Variants in NDRG4 observed in about 807,000 individuals in gnomAD.
NDRG4 encodes the protein protein NDRG4.
Under a neutral mutation model 55.8 loss-of-function variants are expected in NDRG4, and 38 were observed. The ratio of observed to expected loss-of-function variants is 0.68; its 90% confidence interval spans 0.53 to 0.89. NDRG4 has a LOEUF of 0.89. Among genes scored for constraint, NDRG4 ranks in the 40% least tolerant of loss-of-function variants. The pLI, the probability that NDRG4 is intolerant of heterozygous loss-of-function variation, is 0.00. For missense variants in NDRG4, 455 were observed against 468.6 expected, an observed-to-expected ratio of 0.97 and a Z score of 0.27; for synonymous variants, 190 against 182.7, an observed-to-expected ratio of 1.04 and a Z score of -0.32.
At chr16:58,498,828 G>T (rs1447405106), upstream of NDRG4, among the ~76,000 whole-genome samples, 7 of 152,182 alleles carry the variant, frequency 4.6e-5, no homozygotes, top group Non-Finnish European at 8.8e-5. Context: ...GGCAGGGTCA[G>T]GTCTTGCCAG....
At chr16:58,495,026 C>G (rs778754035) in intron 3 of NDRG4, 35 of 1,612,316 alleles carry the variant, frequency 2.2e-5, no homozygotes, top group Non-Finnish European at 5.9e-6. Flanking sequence ...AAGGCTCAGA[C>G]CCCCAAGATG....
At chr16:58,496,274 G>C (rs935878453), upstream of NDRG4, among the ~76,000 whole-genome samples, 1 of 152,044 alleles carries the variant, frequency 6.6e-6, no homozygotes, top group Non-Finnish European at 1.5e-5. Flanking sequence ...TGGCCCCTGA[G>C]CCCTCTGAGC....
In NDRG4 at chr16:58,506,998, C is replaced by T; in HGVS notation, c.603C>T (p.Phe201=). The part of the protein sequence containing the change: ...NVVNQANLQL[F]WNMYNSRRDL... ...TGAACCAGGCCAACCTGCAGCTCTT[C>T]TGGAACATGTACAACAGGTGCGGGT... is the stretch of plus-strand genomic sequence containing the variant. The change falls in exon 8 of 15, where the codon TTC becomes TTT. Residue 201 remains phenylalanine, a synonymous_variant. Transcript: ENST00000570248. The T allele has an allele frequency of 1.2e-6, 2 of 1,613,696 alleles. No homozygotes were observed. The highest frequency in any genetic ancestry group is 1.7e-6 in the Non-Finnish European group (2 of 1,179,834).
upstream of NDRG4, among the ~76,000 whole-genome samples, chr16:58,498,407 C>T (rs1567327816): frequency 6.6e-6 from 1 of 152,102 alleles, no homozygotes; most frequent in Non-Finnish European, 1.5e-5. Flanking sequence ...AGGACATGAC[C>T]AGCAATAGTG....
At chr16:58,472,827 C>T (rs2151579590) in intron 1 of NDRG4, among the ~76,000 whole-genome samples, 1 of 152,238 alleles carries the variant, frequency 6.6e-6, no homozygotes, top group East Asian at 1.9e-4. Context: ...GGAAGAGCTT[C>T]CCCTCTCCAA....
Position 58,464,609 on chromosome 16 carries a change from T to C in NDRG4, c.-24+812T>C. On this transcript the variant is annotated intron_variant, in intron 1 of 15. Transcript: ENST00000258187. The surrounding 1 kb of genome is among the most constrained non-coding windows in gnomAD (Gnocchi z 4.8). ...CTAAGTCCTAGTTTTGTGCTACCTG[T>C]TTGTGTGCGGAGCCCAGCCCCGGGA... is the stretch of plus-strand genomic sequence containing the variant. The C allele has an allele frequency of 1.0e-6, 1 of 963,362 alleles. No homozygotes were observed. 59.7% of individuals were successfully genotyped at this position (963,362 alleles called of 1,614,324 possible).
downstream of NDRG4, among the ~76,000 whole-genome samples, chr16:58,514,182 T>C (rs538035575): frequency 4.6e-5 from 7 of 152,290 alleles, no homozygotes; most frequent in Admixed American, 4.6e-4. Flanking sequence ...TTTGATATGA[T>C]TTTACACATA....
At chr16:58,484,283 G>T (rs2034813403) in intron 1 of NDRG4, among the ~76,000 whole-genome samples, 1 of 152,090 alleles carries the variant, frequency 6.6e-6, no homozygotes. Flanking sequence ...TGAAGCAGGA[G>T]AATCACTTGA....
At chr16:58,503,951 C>T in intron 2 of NDRG4, 48 bp downstream of exon 2, 1 of 1,601,782 alleles carries the variant, frequency 6.2e-7, no homozygotes, top group Non-Finnish European at 8.5e-7. Flanking sequence ...TCCCATCAGC[C>T]AGAGCGGTGA....
At chr16:58,502,860 G>A (rs769397845) in intron 1 of NDRG4, among the ~76,000 whole-genome samples, 9 of 152,320 alleles carry the variant, frequency 5.9e-5, no homozygotes, top group South Asian at 2.1e-4. Flanking sequence ...TTGCCCATCC[G>A]AGTGGCTAAG....
intron 1 of NDRG4, chr16:58,502,081 C>T (rs926175378): frequency 3.3e-5 from 15 of 449,482 alleles, no homozygotes; most frequent in Non-Finnish European, 6.8e-5. Flanking sequence ...GCCTTCAGTG[C>T]ACCGCCCTGG....
chr16:58,470,070 C>G (rs985258434), intron 1 of NDRG4, among the ~76,000 whole-genome samples: 1 of 152,214 alleles, frequency 6.6e-6, no homozygotes, highest in African/African-American at 2.4e-5. Flanking sequence ...AACACATTAA[C>G]AGTGGCTTCT....
intron 14 of NDRG4, chr16:58,510,996 G>A (rs960652088): frequency 9.7e-6 from 5 of 515,424 alleles, no homozygotes; most frequent in South Asian, 2.9e-5. Flanking sequence ...TAGGTGGCCA[G>A]GAGAGTTCCG....
chr16:58,510,180 G>A, intron 13 of NDRG4, among the ~76,000 whole-genome samples: 1 of 152,236 alleles, frequency 6.6e-6, no homozygotes, highest in East Asian at 1.9e-4. Context: ...GAGCAGGGCA[G>A]AGCCCTAGGG....
Position 58,511,629 on chromosome 16 carries a change from C to A in NDRG4, c.*53C>A. The A allele has an allele frequency of 6.2e-7, 1 of 1,607,998 alleles. No homozygotes were observed. Among genetic ancestry groups the A allele is most frequent in the East Asian group, 2.2e-5 (1 of 44,836 alleles). On this transcript the variant is annotated 3_prime_UTR_variant, in exon 15 of 15. Coordinates refer to ENST00000570248, the MANE Select transcript of NDRG4 (RefSeq NM_001242835.2). ...CGTCGAGGCCCCACCGCCATCCTTG[C>A]GCCGGCTCATGTTCCCTTTAGTTTA...
At chr16:58,494,957 C>G (rs1212461935) in intron 2 of NDRG4, 3 of 1,613,600 alleles carry the variant, frequency 1.9e-6, no homozygotes, top group South Asian at 1.1e-5. Context: ...TGTTTGCCTT[C>G]CCCTAGGAGA....
At chr16:58,466,602 G>A (rs2031736036) in intron 1 of NDRG4, among the ~76,000 whole-genome samples, 1 of 152,216 alleles carries the variant, frequency 6.6e-6, no homozygotes, top group South Asian at 2.1e-4. Context: ...ACTGTCATCA[G>A]TCACAGGCTC....
intron 5 of NDRG4, chr16:58,506,080 A>G: frequency 1.8e-6 from 1 of 543,842 alleles, no homozygotes; most frequent in South Asian, 1.8e-5. Flanking sequence ...AAGATGTTTA[A>G]TACTCAATTT....
At chr16:58,477,917 G>A (rs751248126) in intron 1 of NDRG4, among the ~76,000 whole-genome samples, 7 of 152,148 alleles carry the variant, frequency 4.6e-5, no homozygotes, top group Non-Finnish European at 1.0e-4. Flanking sequence ...AGGGATCAAG[G>A]TTAACGTCCT....
Sources: allele counts gnomAD v4.1 joint callset (sites outside exome capture counted in the v4.1 genomes callset), GRCh38; gene constraint gnomAD v4.1.1; non-coding constraint Gnocchi (gnomAD v3.1); transcripts MANE v1.5; gene names NCBI Gene and HGNC (gene_info 2026-07-23, HGNC 2026-07-21).